The following KCNU1 variants were observed in gnomAD, a reference collection of about 807,000 sequenced individuals.
KCNU1 encodes the protein potassium calcium-activated channel subfamily U member 1, also known as potassium channel subfamily U member 1.
A neutral mutation model predicts 126.8 loss-of-function variants in KCNU1; 93 were observed. The ratio of observed to expected loss-of-function variants is 0.73; its 90% CI spans 0.62 to 0.87. The LOEUF is 0.87. KCNU1 is among the 40% of genes least tolerant of loss of function. The pLI is 0.00. For missense variants in KCNU1, 1,330 were observed against 1,367.1 expected (o/e 0.97, Z 0.43); for synonymous variants, 523 against 494.2 (o/e 1.06, Z -0.77).
chr8:36,814,806 T>C (rs1328428312), intron 8 of KCNU1, among the ~76,000 whole-genome samples: 1 of 152,236 alleles, frequency 6.6e-6, no homozygotes, highest in African/African-American at 2.4e-5. Context: ...CATCTGTGCC[T>C]GGCTTACGAA....
intron 10 of KCNU1, among the ~76,000 whole-genome samples, chr8:36,824,084 G>T (rs186692939): frequency 6.6e-6 from 1 of 152,158 alleles, no homozygotes; most frequent in East Asian, 1.9e-4. Context: ...TGATCCACCC[G>T]CCTCTACCTC....
chr8:36,856,710 A>T (rs995966068), intron 18 of KCNU1, among the ~76,000 whole-genome samples: 2 of 152,100 alleles, frequency 1.3e-5, no homozygotes, highest in Non-Finnish European at 2.9e-5. Flanking sequence ...ATTATGCCTG[A>T]GTTATCTATT....
In KCNU1 at chr8:36,933,165, A is replaced by G. The variant is rs532738905; in HGVS notation, c.3044+133A>G. On this transcript the variant is annotated intron_variant, in intron 26 of 26. Coordinates refer to ENST00000399881, the MANE Select transcript of KCNU1 (RefSeq NM_001031836.3). Reference sequence around the variant, plus strand: ...AGGAAGGGTGCATGGGAAATAAAAAACTATGTAAGAATAAGGAGGGATTGG... The same window carrying G: ...AGGAAGGGTGCATGGGAAATAAAAAGCTATGTAAGAATAAGGAGGGATTGG... 4.2e-5 allele frequency: 25 copies of G among 601,606 alleles called. No individual in the cohort carries two copies. The African/African-American group carries it at 4.5e-4, about 11-fold the overall frequency. 37.3% of individuals were successfully genotyped at this position (601,606 alleles called of 1,614,324 possible).
At chr8:36,934,134 C>T (rs899599634) in intron 26 of KCNU1, among the ~76,000 whole-genome samples, 3 of 151,960 alleles carry the variant, frequency 2.0e-5, no homozygotes, top group Non-Finnish European at 4.4e-5. Context: ...TGAAATGTAA[C>T]ATTTTAGAGG....
chr8:36,871,549 T>C (rs1238661996), intron 19 of KCNU1, among the ~76,000 whole-genome samples: 1 of 152,160 alleles, frequency 6.6e-6, no homozygotes, highest in Non-Finnish European at 1.5e-5. Flanking sequence ...AGCATCAGAA[T>C]TGTACCATAG....
rs866007970 is a variant in KCNU1 at position 36,928,901 on chromosome 8, T to A, written c.2737-2050T>A. 4.8e-6 allele frequency: 3 copies of A among 631,414 alleles called. 1 individual carries two copies. The highest frequency in any genetic ancestry group is 1.8e-5 in the South Asian group (1 of 54,588). The allele number at this position is 631,414 out of a possible 1,614,324, so 39.1% of individuals were successfully genotyped here. On this transcript the variant is annotated intron_variant, in intron 24 of 26. Coordinates refer to ENST00000399881, the MANE Select transcript of KCNU1 (RefSeq NM_001031836.3). ...TCCCATTCCTGTCCATATATTCTGA[T>A]CCAGGAGATCTGGGATCCCAGAAAT...
chr8:36,876,385 G>A (rs987629949), intron 19 of KCNU1, among the ~76,000 whole-genome samples: 2 of 152,170 alleles, frequency 1.3e-5, no homozygotes, highest in Admixed American at 1.3e-4. Flanking sequence ...CAAAGTCAAA[G>A]AGCTATGTCA....
chr8:36,784,694 CA>C, intron 1 of KCNU1, 89 bp downstream of exon 1: 1 of 1,057,518 alleles, frequency 9.5e-7, no homozygotes, highest in Middle Eastern at 2.5e-4. Context: ...AAGCTTCATT[CA>C]GTTTTTCAAG....
intron 19 of KCNU1, among the ~76,000 whole-genome samples, chr8:36,875,719 G>T (rs1001147750): frequency 6.6e-6 from 1 of 151,938 alleles, no homozygotes; most frequent in African/African-American, 2.4e-5. Context: ...CTAGTTCATA[G>T]AATAATATTT....
intron 7 of KCNU1, among the ~76,000 whole-genome samples, chr8:36,813,512 G>A (rs1419835071): frequency 1.3e-5 from 2 of 150,054 alleles, no homozygotes; most frequent in African/African-American, 4.9e-5. Flanking sequence ...AATATATTAT[G>A]TTACACAATA....
At chr8:36,874,887 C>T (rs1367057957) in intron 19 of KCNU1, among the ~76,000 whole-genome samples, 1 of 151,880 alleles carries the variant, frequency 6.6e-6, no homozygotes, top group Non-Finnish European at 1.5e-5. Context: ...CCTTTCCCTC[C>T]CTGCTCTCTG....
chr8:36,899,553 C>T (rs1289074596), intron 19 of KCNU1, among the ~76,000 whole-genome samples: 1 of 152,078 alleles, frequency 6.6e-6, no homozygotes, highest in East Asian at 1.9e-4. Context: ...TACCTATTAT[C>T]TCTACTATTA....
At chr8:36,863,771 C>G (rs1563302439) in intron 18 of KCNU1, among the ~76,000 whole-genome samples, 2 of 152,156 alleles carry the variant, frequency 1.3e-5, no homozygotes, top group South Asian at 4.2e-4. Flanking sequence ...TCATGGTGCT[C>G]ATTGAATCTA....
intron 20 of KCNU1, among the ~76,000 whole-genome samples, chr8:36,908,376 A>T (rs1184827136): frequency 2.6e-5 from 4 of 151,938 alleles, no homozygotes; most frequent in Non-Finnish European, 5.9e-5. Context: ...ATCAAATGAA[A>T]TTTTTTTTAT....
intron 19 of KCNU1, among the ~76,000 whole-genome samples, chr8:36,892,315 T>C (rs760333054): frequency 1.3e-5 from 2 of 152,168 alleles, no homozygotes; most frequent in Non-Finnish European, 2.9e-5. Flanking sequence ...TGTTTTTTTC[T>C]TATAATCTAT....
At position 36,885,613 on chromosome 8, in the gene KCNU1, C is replaced by T. The variant is rs955409732; in HGVS notation, c.2010-20095C>T. Among the ~76,000 whole-genome samples, 32 of 151,494 alleles carry T rather than the reference C, an allele frequency of 2.1e-4. 1 individual carries two copies. The highest frequency in any genetic ancestry group is 7.3e-4 in the African/African-American group (30 of 41,316). ...TTCGAGACCAGCCTGGCCAACATGG[C>T]GAAACCACATCTCTACTAAAAATAC... On this transcript the variant is annotated intron_variant, in intron 19 of 26. Coordinates refer to ENST00000399881, the MANE Select transcript of KCNU1 (RefSeq NM_001031836.3).
chr8:36,836,284 G>A lies in KCNU1; in HGVS notation c.1296-12G>A, dbSNP rs1464409490. 6.4e-7 allele frequency: 1 copy of A among 1,568,514 alleles called. No homozygotes were observed. The highest frequency in any genetic ancestry group is 8.8e-7 in the Non-Finnish European group (1 of 1,139,644). On this transcript the variant is annotated splice_polypyrimidine_tract_variant and intron_variant, in intron 12 of 26. Transcript: ENST00000399881. Reference sequence around the variant, plus strand: ...GACACATGACTAATGAGAGTGTTTGGGGTTTATATAGGGTGCTCTCTATCA... The same window carrying A: ...GACACATGACTAATGAGAGTGTTTGAGGTTTATATAGGGTGCTCTCTATCA...
intron 2 of KCNU1, among the ~76,000 whole-genome samples, chr8:36,802,099 A>C: frequency 1.5e-5 from 2 of 129,854 alleles, no homozygotes; most frequent in Non-Finnish European, 3.2e-5. Context: ...AAAGAGCGAA[A>C]CTCCGTCTCA....
intron 19 of KCNU1, among the ~76,000 whole-genome samples, chr8:36,881,408 G>A (rs1585503296): frequency 6.6e-6 from 1 of 152,112 alleles, no homozygotes; most frequent in African/African-American, 2.4e-5. Context: ...ATTTTTGGTA[G>A]GGATAGGGTC....
Sources: gnomAD v4.1 joint callset for allele counts (sites outside exome capture counted in the v4.1 genomes callset) on GRCh38, gnomAD v4.1.1 for gene constraint, MANE v1.5 for transcripts, NCBI Gene and HGNC (gene_info 2026-07-23, HGNC 2026-07-21) for gene names.